VIT: variants seen among roughly 807,000 people sequenced by gnomAD.
The protein encoded by VIT is vitrin.
In VIT, 99 loss-of-function variants were observed where a neutral mutation model predicts 78.0. That is an observed-to-expected ratio of 1.27 (90% CI 1.08 to 1.50). The LOEUF (loss-of-function observed/expected upper bound fraction) is 1.50. VIT is among the 40% of genes most tolerant of loss of function. The pLI is 0.00. For missense variants in VIT, 1,126 were observed against 875.3 expected, an observed-to-expected ratio of 1.29 and a Z score of -3.61; for synonymous variants, 374 against 334.3, an observed-to-expected ratio of 1.12 and a Z score of -1.29.
intron 10 of VIT, among the ~76,000 whole-genome samples, chr2:36,783,056 T>C (rs1230969442): frequency 6.6e-6 from 1 of 152,198 alleles, no homozygotes; most frequent in Non-Finnish European, 1.5e-5. Context: ...CTTAACGCTT[T>C]CAGATGACAA....
chr2:36,759,113 A>C (rs758788991), intron 6 of VIT, 67 bp downstream of exon 6: 1 of 1,614,162 alleles, frequency 6.2e-7, no homozygotes, highest in South Asian at 1.1e-5. Flanking sequence ...GTTTTGGGAG[A>C]TAGCGGAGAA....
chr2:36,757,807 T>A (rs2148558507), intron 5 of VIT, among the ~76,000 whole-genome samples: 1 of 152,320 alleles, frequency 6.6e-6, no homozygotes, highest in Admixed American at 6.5e-5. Context: ...CAGGGCCGTG[T>A]CATTATTCCT....
At chr2:36,716,316 C>A in intron 1 of VIT, 37 bp from the exon 2 acceptor site, 1 of 1,580,332 alleles carries the variant, frequency 6.3e-7, no homozygotes, top group Non-Finnish European at 8.7e-7. Flanking sequence ...GAACCCCCGG[C>A]TGAAATATGA....
At chr2:36,778,360 C>T (rs1042548986) in intron 9 of VIT, among the ~76,000 whole-genome samples, 2 of 152,168 alleles carry the variant, frequency 1.3e-5, no homozygotes, top group African/African-American at 4.8e-5. Context: ...GCTACTCCTG[C>T]TGTATGGAGG....
intron 1 of VIT, among the ~76,000 whole-genome samples, chr2:36,710,002 G>A (rs1297473867): frequency 6.6e-6 from 1 of 152,174 alleles, no homozygotes; most frequent in African/African-American, 2.4e-5. Context: ...GGAGCAATGA[G>A]CAAGAGTGAG....
chr2:36,757,257 A>G (rs1332041339), intron 5 of VIT, among the ~76,000 whole-genome samples: 1 of 152,178 alleles, frequency 6.6e-6, no homozygotes, highest in Non-Finnish European at 1.5e-5. Flanking sequence ...TCTAATTTTC[A>G]TATGCCCCTG....
intron 5 of VIT, among the ~76,000 whole-genome samples, chr2:36,755,804 G>A (rs1035291018): frequency 8.6e-5 from 13 of 152,034 alleles, no homozygotes; most frequent in African/African-American, 2.9e-4. Context: ...ATTTTTAAGT[G>A]GACTATGGAT....
At chr2:36,726,135 T>C (rs1666831065) in intron 2 of VIT, among the ~76,000 whole-genome samples, 1 of 152,134 alleles carries the variant, frequency 6.6e-6, no homozygotes, top group Non-Finnish European at 1.5e-5. Context: ...TGAGCATACA[T>C]TTCAGACAAG....
At chr2:36,740,961 G>A (rs59476177) in intron 3 of VIT, among the ~76,000 whole-genome samples, 3,476 of 152,270 alleles carry the variant, frequency 0.023, 147 homozygotes, top group African/African-American at 0.08. Flanking sequence ...TATTTAGTTG[G>A]TCTGACAGGA....
intron 4 of VIT, among the ~76,000 whole-genome samples, chr2:36,744,717 A>G (rs1350108338): frequency 4.0e-5 from 6 of 151,890 alleles, no homozygotes; most frequent in Admixed American, 1.3e-4. Flanking sequence ...TGGATATTAG[A>G]CCTTTGTTGG....
chr2:36,758,611 G>C (rs377544168), intron 5 of VIT, among the ~76,000 whole-genome samples: 3 of 152,242 alleles, frequency 2.0e-5, no homozygotes, highest in Non-Finnish European at 4.4e-5. Context: ...TCAAAGGAGA[G>C]CATGTGGAGG....
rs144928759 is a variant in VIT, at chr2:36,735,072, A to C, written c.118+5581A>C. ...CCAGCTACTTGGGAGGCTGAGGCAG[A>C]ATTGCTTGAACCTGGGAGGCAGAGG... On this transcript the variant is annotated intron_variant, in intron 3 of 15. Transcript: ENST00000379242. Among the ~76,000 whole-genome samples, 1,338 of 152,214 alleles carry C rather than the reference A, an allele frequency of 8.8e-3. 18 individuals carry two copies. The highest frequency in any genetic ancestry group is 0.03 in the African/African-American group (1,249 of 41,542).
chr2:36,766,951 T>C, intron 6 of VIT, 143 bp from the exon 7 acceptor site: 1 of 898,636 alleles, frequency 1.1e-6, no homozygotes, highest in Non-Finnish European at 1.5e-6. Flanking sequence ...AGAATGTGGC[T>C]GTTACCTGGG....
chr2:36,735,451 T>C (rs6741809), intron 3 of VIT, among the ~76,000 whole-genome samples: 2,548 of 152,338 alleles, frequency 0.017, 74 homozygotes, highest in African/African-American at 0.059. Context: ...ATTCCTTACT[T>C]ACAAAGATTT....
chr2:36,734,095 C>T (rs1667365363), intron 3 of VIT, among the ~76,000 whole-genome samples: 1 of 152,146 alleles, frequency 6.6e-6, no homozygotes, highest in African/African-American at 2.4e-5. Flanking sequence ...GCCCAGACAT[C>T]CTGAGTCAAA....
At chr2:36,701,793 G>A (rs1222250513) in intron 1 of VIT, among the ~76,000 whole-genome samples, 1 of 152,158 alleles carries the variant, frequency 6.6e-6, no homozygotes, top group Non-Finnish European at 1.5e-5. Context: ...GACTGGCCGT[G>A]TTTATACACC....
chr2:36,778,453 T>C (rs1670202946), intron 9 of VIT, among the ~76,000 whole-genome samples: 1 of 152,234 alleles, frequency 6.6e-6, no homozygotes, highest in Non-Finnish European at 1.5e-5. Context: ...GGTTGGCTTC[T>C]TGGTACCATG....
intron 1 of VIT, 147 bp from the exon 2 acceptor site, chr2:36,716,206 A>T (rs1448161653): frequency 1.8e-6 from 1 of 566,318 alleles, no homozygotes; most frequent in Non-Finnish European, 3.1e-6. Context: ...TGACATCTCT[A>T]TGTGCTGCTT....
chr2:36,725,279 C>T (rs1666760664), intron 2 of VIT, among the ~76,000 whole-genome samples: 1 of 152,144 alleles, frequency 6.6e-6, no homozygotes, highest in Non-Finnish European at 1.5e-5. Flanking sequence ...ATGCAGTCTG[C>T]TATACAAAAC....
Sources: gnomAD v4.1 joint callset for allele counts (sites outside exome capture counted in the v4.1 genomes callset) on GRCh38, gnomAD v4.1.1 for gene constraint, MANE v1.5 for transcripts, NCBI Gene and HGNC (gene_info 2026-07-23, HGNC 2026-07-21) for gene names.